Variants in ZFHX3 observed in about 807,000 individuals in gnomAD.
The protein encoded by ZFHX3 is zinc finger homeobox protein 3.
In ZFHX3, 42 loss-of-function variants were observed where a neutral mutation model predicts 279.1. That is an observed-to-expected ratio of 0.15 (90% CI 0.12 to 0.19). The LOEUF is 0.19. Among genes scored for constraint, ZFHX3 ranks in the 10% least tolerant of loss-of-function variants. The pLI is 1.00. For synonymous variants in ZFHX3, 2,293 were observed against 1,957.8 expected, an observed-to-expected ratio of 1.17 and a Z score of -4.52; for missense variants, 4,981 against 4,754.0, an observed-to-expected ratio of 1.05 and a Z score of -1.40.
chr16:73,308,994 G>T (rs549501926), intron 4 of ZFHX3, among the ~76,000 whole-genome samples: 53 of 152,154 alleles, frequency 3.5e-4, no homozygotes, highest in African/African-American at 1.2e-3. Flanking sequence ...TCCTGGTAGG[G>T]TTTATATAGA....
intron 2 of ZFHX3, among the ~76,000 whole-genome samples, chr16:73,553,246 G>A (rs825693): frequency 0.99 from 150,263 of 151,672 alleles, 74,474 homozygotes; most frequent in Middle Eastern, 1. Context: ...TATATTTTTT[G>A]TTTAGTTTTG....
intron 5 of ZFHX3, among the ~76,000 whole-genome samples, chr16:72,817,170 C>T (rs1215924339): frequency 6.6e-6 from 1 of 152,222 alleles, no homozygotes; most frequent in Non-Finnish European, 1.5e-5. Flanking sequence ...GGTAGAAGCA[C>T]AGCCTTTCAA....
chr16:73,524,402 A>C (rs1004075616), intron 2 of ZFHX3, among the ~76,000 whole-genome samples: 1 of 152,306 alleles, frequency 6.6e-6, no homozygotes, highest in East Asian at 1.9e-4. Flanking sequence ...TAAAACATCA[A>C]CTGAAGTCTT....
At chr16:73,740,789 A>T (rs563996891) in intron 1 of ZFHX3, among the ~76,000 whole-genome samples, 18 of 152,304 alleles carry the variant, frequency 1.2e-4, no homozygotes, top group African/African-American at 4.3e-4. Context: ...GTGTGAAGAA[A>T]GCAGTACCCC....
At chr16:73,089,161 T>A (rs1048425410) in intron 8 of ZFHX3, among the ~76,000 whole-genome samples, 1 of 152,146 alleles carries the variant, frequency 6.6e-6, no homozygotes, top group Non-Finnish European at 1.5e-5. Flanking sequence ...TGGAGTGCAG[T>A]GACGCGATCT....
At chr16:73,287,134 T>G (rs1448812269) in intron 4 of ZFHX3, among the ~76,000 whole-genome samples, 10 of 107,346 alleles carry the variant, frequency 9.3e-5, no homozygotes, top group African/African-American at 2.2e-4. Flanking sequence ...GTCGGTGTGT[T>G]GGTTGGTGTG....
intron 4 of ZFHX3, among the ~76,000 whole-genome samples, chr16:72,883,370 C>T (rs796433636): frequency 7.9e-5 from 12 of 152,274 alleles, no homozygotes; most frequent in African/African-American, 2.6e-4. Flanking sequence ...TTTACTTCTT[C>T]GTAGCCTGTT....
chr16:72,916,698 G>T (rs1206451366), intron 3 of ZFHX3, among the ~76,000 whole-genome samples: 1 of 152,160 alleles, frequency 6.6e-6, no homozygotes, highest in Non-Finnish European at 1.5e-5. Flanking sequence ...ATCCAAATGA[G>T]AACTTCATGT....
At chr16:73,622,421 G>A (rs1049845426) in intron 2 of ZFHX3, among the ~76,000 whole-genome samples, 7 of 152,128 alleles carry the variant, frequency 4.6e-5, no homozygotes, top group Admixed American at 2.6e-4. Flanking sequence ...AATTAGCCAG[G>A]CGTGGTGGCG....
intron 4 of ZFHX3, among the ~76,000 whole-genome samples, chr16:72,883,460 T>C (rs2038546417): frequency 6.6e-6 from 1 of 152,116 alleles, no homozygotes; most frequent in South Asian, 2.1e-4. Context: ...TCTGTTAGAG[T>C]CCATATAAAT....
At chr16:72,856,639 A>G (rs1370824650) in intron 4 of ZFHX3, among the ~76,000 whole-genome samples, 1 of 152,290 alleles carries the variant, frequency 6.6e-6, no homozygotes. Flanking sequence ...GGAGACTTCA[A>G]TGTCTAATCT....
At chr16:73,741,589 C>G (rs761358731) in intron 1 of ZFHX3, among the ~76,000 whole-genome samples, 1 of 152,186 alleles carries the variant, frequency 6.6e-6, no homozygotes, top group Non-Finnish European at 1.5e-5. Flanking sequence ...TTTGGAATCT[C>G]TTTCAACAGC....
chr16:73,560,770 TG>T (rs1354466122), intron 2 of ZFHX3, among the ~76,000 whole-genome samples: 1 of 152,228 alleles, frequency 6.6e-6, no homozygotes, highest in Non-Finnish European at 1.5e-5. Context: ...AGCTGTGTTC[TG>T]GTTCAGAGCC....
At chr16:73,755,474 TGA>T (rs1470463579) in intron 1 of ZFHX3, among the ~76,000 whole-genome samples, 1 of 152,234 alleles carries the variant, frequency 6.6e-6, no homozygotes, top group African/African-American at 2.4e-5. Flanking sequence ...GCATAGTGTG[TGA>T]GTCATTCTCC....
chr16:72,991,288 G>A (rs1284960216), intron 1 of ZFHX3, among the ~76,000 whole-genome samples: 6 of 152,176 alleles, frequency 3.9e-5, no homozygotes, highest in Admixed American at 1.3e-4. Flanking sequence ...TCATAGGCAT[G>A]TAGGTAGAGA....
At chr16:72,878,982 T>C (rs2038390888) in intron 4 of ZFHX3, among the ~76,000 whole-genome samples, 1 of 152,188 alleles carries the variant, frequency 6.6e-6, no homozygotes, top group South Asian at 2.1e-4. Context: ...CTCTGCTTTA[T>C]GCTCGTGCAG....
intron 1 of ZFHX3, chr16:73,014,525 T>A (rs1482667221): frequency 5.4e-5 from 7 of 130,570 alleles, no homozygotes; most frequent in Non-Finnish European, 1.6e-5. Flanking sequence ...CTTCTTTTTT[T>A]TTTTTTTTTT....
intron 3 of ZFHX3, among the ~76,000 whole-genome samples, chr16:73,436,380 A>G (rs1018360722): frequency 1.3e-5 from 2 of 152,186 alleles, no homozygotes; most frequent in African/African-American, 4.8e-5. Flanking sequence ...CCTCACAATC[A>G]TGGTGGAAGG....
At chr16:73,048,505 G>C (rs1444213004), upstream of ZFHX3, 1 of 152,252 alleles carries the variant, frequency 6.6e-6, no homozygotes, top group Non-Finnish European at 1.5e-5. Context: ...ACCGGCCCCG[G>C]CGGGAACAAA....
Sources: allele counts gnomAD v4.1 joint callset (sites outside exome capture counted in the v4.1 genomes callset), GRCh38; gene constraint gnomAD v4.1.1; transcripts MANE v1.5; gene names NCBI Gene and HGNC (gene_info 2026-07-23, HGNC 2026-07-21).